Variants in PDZRN3 observed in about 807,000 individuals in gnomAD.
PDZRN3 encodes the protein E3 ubiquitin-protein ligase PDZRN3.
PDZRN3 carries 38 observed loss-of-function variants against 85.7 expected under a neutral mutation model. The ratio of observed to expected loss-of-function variants is 0.44; its 90% confidence interval spans 0.34 to 0.58. The LOEUF is 0.58. Among genes scored for constraint, PDZRN3 ranks in the 20% least tolerant of loss-of-function variants. PDZRN3 has a pLI of 0.01. For synonymous variants in PDZRN3, 759 were observed against 638.0 expected (o/e 1.19, Z -2.86); for missense variants, 1,629 against 1,506.4 (o/e 1.08, Z -1.35).
At chr3:73,500,475 C>T (rs1703955734) in intron 3 of PDZRN3, among the ~76,000 whole-genome samples, 1 of 152,134 alleles carries the variant, frequency 6.6e-6, no homozygotes, top group African/African-American at 2.4e-5. Context: ...TCACTTTGGG[C>T]CCTGAATATT....
chr3:73,587,905 C>CA (rs2106875689), intron 3 of PDZRN3, among the ~76,000 whole-genome samples: 1 of 152,296 alleles, frequency 6.6e-6, no homozygotes, highest in African/African-American at 2.4e-5. Context: ...ATCTAGAGCA[C>CA]AGAGTCAATT....
chr3:73,474,427 TAA>T, intron 3 of PDZRN3: 1 of 1,204,456 alleles, frequency 8.3e-7, no homozygotes, highest in Non-Finnish European at 1.1e-6. Flanking sequence ...TCTTATTCAT[TAA>T]AAAAGGTGGA....
At chr3:73,602,270 C>G (rs1356352988) in intron 3 of PDZRN3, 84 bp downstream of exon 3, 1 of 765,120 alleles carries the variant, frequency 1.3e-6, no homozygotes, top group Non-Finnish European at 2.3e-6. Flanking sequence ...AGGCCTCCCT[C>G]CCCAGTCAAA....
intron 3 of PDZRN3, among the ~76,000 whole-genome samples, chr3:73,471,594 G>T (rs913104235): frequency 6.6e-6 from 1 of 152,136 alleles, no homozygotes; most frequent in African/African-American, 2.4e-5. Context: ...CCTCTGAGGG[G>T]TCCTCACCCA....
At chr3:73,477,340 G>A (rs2106898288) in intron 3 of PDZRN3, among the ~76,000 whole-genome samples, 1 of 152,200 alleles carries the variant, frequency 6.6e-6, no homozygotes, top group South Asian at 2.1e-4. Context: ...ATAAATTCCG[G>A]GTCTCTCTGG....
At chr3:73,588,568 C>T (rs909418722) in intron 3 of PDZRN3, among the ~76,000 whole-genome samples, 1 of 152,126 alleles carries the variant, frequency 6.6e-6, no homozygotes, top group Non-Finnish European at 1.5e-5. Context: ...GTCCTGACTT[C>T]TACTCCCACT....
chr3:73,585,350 A>G (rs971364517), intron 3 of PDZRN3, among the ~76,000 whole-genome samples: 1 of 152,180 alleles, frequency 6.6e-6, no homozygotes, highest in Admixed American at 6.5e-5. Flanking sequence ...AGCTTGTCAC[A>G]TTTTCTCACT....
intron 3 of PDZRN3, among the ~76,000 whole-genome samples, chr3:73,433,252 C>G (rs1702467091): frequency 6.6e-6 from 1 of 152,230 alleles, no homozygotes; most frequent in South Asian, 2.1e-4. Context: ...TATTTGTAAA[C>G]ACAGACAAAA....
intron 3 of PDZRN3, among the ~76,000 whole-genome samples, chr3:73,439,939 T>C (rs1253814724): frequency 6.6e-6 from 1 of 152,022 alleles, no homozygotes; most frequent in Non-Finnish European, 1.5e-5. Context: ...GGGTTCACCA[T>C]ATTGGCCAGG....
intron 3 of PDZRN3, among the ~76,000 whole-genome samples, chr3:73,440,397 G>A (rs972729402): frequency 6.6e-6 from 1 of 152,158 alleles, no homozygotes; most frequent in Non-Finnish European, 1.5e-5. Flanking sequence ...ACTGCCACAG[G>A]AACTGAGAAT....
chr3:73,456,970 T>C (rs967208052), intron 3 of PDZRN3, among the ~76,000 whole-genome samples: 2 of 152,116 alleles, frequency 1.3e-5, no homozygotes, highest in Non-Finnish European at 2.9e-5. Flanking sequence ...TTAATAGACA[T>C]TACCATTTAA....
At chr3:73,533,127 A>G (rs1704697569) in intron 3 of PDZRN3, among the ~76,000 whole-genome samples, 1 of 152,258 alleles carries the variant, frequency 6.6e-6, no homozygotes, top group Admixed American at 6.5e-5. Context: ...AATGTTTGAC[A>G]TCAAATGGAT....
intron 3 of PDZRN3, among the ~76,000 whole-genome samples, chr3:73,536,460 T>C (rs1244017419): frequency 6.6e-6 from 1 of 152,196 alleles, no homozygotes; most frequent in Non-Finnish European, 1.5e-5. Flanking sequence ...CCTGAGGATG[T>C]GGCTTTGCTG....
intron 3 of PDZRN3, among the ~76,000 whole-genome samples, chr3:73,467,478 A>T (rs1703243988): frequency 1.3e-5 from 2 of 152,240 alleles, no homozygotes; most frequent in Admixed American, 1.3e-4. Context: ...AGCGATTCCC[A>T]GTAACACCTG....
chr3:73,623,107 CCT>C (rs1702893092), intron 1 of PDZRN3, among the ~76,000 whole-genome samples: 1 of 152,126 alleles, frequency 6.6e-6, no homozygotes, highest in Admixed American at 6.5e-5. Flanking sequence ...CAAAGTAAAC[CCT>C]CGCTCAAGGG....
intron 3 of PDZRN3, among the ~76,000 whole-genome samples, chr3:73,481,521 G>C (rs1379725893): frequency 6.6e-6 from 1 of 152,002 alleles, no homozygotes; most frequent in Non-Finnish European, 1.5e-5. Flanking sequence ...GTAGAGATGG[G>C]GTTTCTCCAT....
At chr3:73,500,479 G>C (rs1479244431) in intron 3 of PDZRN3, among the ~76,000 whole-genome samples, 1 of 152,086 alleles carries the variant, frequency 6.6e-6, no homozygotes, top group Non-Finnish European at 1.5e-5. Context: ...TTTGGGCCCT[G>C]AATATTTCTG....
intron 4 of PDZRN3, among the ~76,000 whole-genome samples, chr3:73,403,005 A>G (rs563748539): frequency 5.6e-5 from 8 of 143,044 alleles, no homozygotes; most frequent in African/African-American, 1.9e-4. Flanking sequence ...GTGCAGTGGC[A>G]TGATCTCGGC....
intron 3 of PDZRN3, among the ~76,000 whole-genome samples, chr3:73,547,537 C>T (rs12496732): frequency 3.3e-5 from 5 of 152,234 alleles, no homozygotes; most frequent in Admixed American, 2.0e-4. Context: ...AGGAGCTCCT[C>T]CTCGAGGTTC....
Sources: allele counts gnomAD v4.1 joint callset (sites outside exome capture counted in the v4.1 genomes callset), GRCh38; gene constraint gnomAD v4.1.1; transcripts MANE v1.5; gene names NCBI Gene and HGNC (gene_info 2026-07-23, HGNC 2026-07-21).